The following ZBTB2 variants were observed in gnomAD, a reference collection of about 807,000 sequenced individuals.
ZBTB2 encodes the protein zinc finger and BTB domain containing 2.
ZBTB2 carries 2 observed loss-of-function variants against 39.5 expected under a neutral mutation model. The ratio of observed to expected loss-of-function variants is 0.05; its 90% CI spans 0.02 to 0.16. The LOEUF is 0.16. ZBTB2 is among the 10% of genes least tolerant of loss of function. ZBTB2 has a pLI of 1.00. For missense variants in ZBTB2, 391 were observed against 653.0 expected (o/e 0.60, Z 4.37); for synonymous variants, 251 against 256.6 (o/e 0.98, Z 0.21).
chr6:151,378,646 A>G (rs1778966307), intron 1 of ZBTB2, among the ~76,000 whole-genome samples: 1 of 152,196 alleles, frequency 6.6e-6, no homozygotes, highest in Non-Finnish European at 1.5e-5. Flanking sequence ...TTTTCTCATT[A>G]AAAAAGTATC....
chr6:151,377,147 T>G (rs1778927618), intron 1 of ZBTB2, among the ~76,000 whole-genome samples: 1 of 150,390 alleles, frequency 6.6e-6, no homozygotes, highest in Non-Finnish European at 1.5e-5. Context: ...GGAGAACAGA[T>G]TAGTGGTGGG....
intron 2 of ZBTB2, among the ~76,000 whole-genome samples, chr6:151,370,505 T>G (rs1237558021): frequency 6.6e-6 from 1 of 152,210 alleles, no homozygotes; most frequent in Non-Finnish European, 1.5e-5. Context: ...AAAGTAAGGA[T>G]TTTTGAATAA....
chr6:151,365,571 G>T lies in ZBTB2; in HGVS notation c.1495C>A (p.Pro499Thr), dbSNP rs1433598131. 1.9e-6 allele frequency: 3 copies of T among 1,614,042 alleles called. No homozygotes were observed. Residue 499 changes from proline (P) to threonine (T), a missense_variant, in exon 3 of 3, where the codon CCA becomes ACA. Pro to Thr is a conservative substitution (Grantham distance 38, BLOSUM62 -1). Coordinates refer to ENST00000325144, the MANE Select transcript of ZBTB2 (RefSeq NM_020861.3). This position sits in a 1 kb window ranked among gnomAD's most constrained non-coding sequence, Gnocchi z 5.6. ...TCCTTTTTGATGGAAGCTAACACTG[G>T]GTGGTCAGGCTCCGTTACTTCCGAG... ...GDSEVTEPDH[P>T]VLASIKKEQE...
chr6:151,383,604 C>T (rs1779089267), intron 1 of ZBTB2, among the ~76,000 whole-genome samples: 1 of 152,172 alleles, frequency 6.6e-6, no homozygotes, highest in South Asian at 2.1e-4. Flanking sequence ...ATACTTACTG[C>T]TCAAAGGCTT....
intron 1 of ZBTB2, among the ~76,000 whole-genome samples, chr6:151,390,961 G>A (rs1779285907): frequency 6.6e-6 from 1 of 151,054 alleles, no homozygotes. Flanking sequence ...GGTGGCGGCG[G>A]GAAGGGAGGG....
chr6:151,370,762 T>A (rs1293401774), intron 2 of ZBTB2, among the ~76,000 whole-genome samples: 2 of 152,036 alleles, frequency 1.3e-5, no homozygotes, highest in Admixed American at 1.3e-4. Context: ...ACAGAGGAGG[T>A]GCTGGTTGAA....
At chr6:151,386,899 A>C (rs1265493665) in intron 1 of ZBTB2, among the ~76,000 whole-genome samples, 1 of 152,214 alleles carries the variant, frequency 6.6e-6, no homozygotes, top group Non-Finnish European at 1.5e-5. Flanking sequence ...AGGCCATTAC[A>C]TGTTAAAGTA....
intron 1 of ZBTB2, among the ~76,000 whole-genome samples, chr6:151,375,637 A>AC (rs1778890223): frequency 6.6e-6 from 1 of 152,016 alleles, no homozygotes; most frequent in Non-Finnish European, 1.5e-5. Context: ...GCTCACTGCA[A>AC]CCTCCATCTC....
Position 151,365,420 on chromosome 6 carries a change from C to G in ZBTB2, c.*101G>C. ...GGGAAGAGGAGAAGAGAACAAGGAC[C>G]TGTTTGTATCATGCCATGGAGAACT... On this transcript the variant is annotated 3_prime_UTR_variant, in exon 3 of 3. Transcript: ENST00000325144. The surrounding 1 kb of genome is among the most constrained non-coding windows in gnomAD (Gnocchi z 5.6). 1 of 1,352,094 alleles carries G rather than the reference C, an allele frequency of 7.4e-7. No individual in the cohort carries two copies. The highest frequency in any genetic ancestry group is 1.0e-6 in the Non-Finnish European group (1 of 987,216). The allele number at this position is 1,352,094 out of a possible 1,614,324, so 83.8% of individuals were successfully genotyped here.
At position 151,374,980 on chromosome 6, in the gene ZBTB2, C is replaced by T. The variant is rs572355475; in HGVS notation, c.-12-1331G>A. ...CAACAAAAACAAAAAATTAGCTGGG[C>T]GTGGTGGCAGGCGCCTGTAGTCCCA... On this transcript the variant is annotated intron_variant, in intron 1 of 2. Transcript: ENST00000325144. Among the ~76,000 whole-genome samples, 171 of 147,138 alleles carry T rather than the reference C, an allele frequency of 1.2e-3. 1 individual carries two copies. The highest frequency in any genetic ancestry group is 3.8e-3 in the African/African-American group (153 of 40,060).
intron 1 of ZBTB2, among the ~76,000 whole-genome samples, chr6:151,390,220 C>T (rs917044329): frequency 1.3e-5 from 2 of 151,592 alleles, no homozygotes; most frequent in Non-Finnish European, 2.9e-5. Context: ...GGCGGCGCCA[C>T]AGAGGCCGAC....
At chr6:151,390,271 G>GT (rs1203369527) in intron 1 of ZBTB2, among the ~76,000 whole-genome samples, 2 of 149,138 alleles carry the variant, frequency 1.3e-5, no homozygotes, top group African/African-American at 4.9e-5. Flanking sequence ...CAGCCACCTC[G>GT]TCCCACCCGC....
chr6:151,390,556 G>C (rs558723950), intron 1 of ZBTB2, among the ~76,000 whole-genome samples: 2 of 150,534 alleles, frequency 1.3e-5, no homozygotes, highest in African/African-American at 4.9e-5. Flanking sequence ...GGGTGGCCCA[G>C]ACAGGGAGAG....
At position 151,373,843 on chromosome 6, in the gene ZBTB2, TAAAAAAAAAAAAAAAAAAA is replaced by T. The variant is rs200070063; in HGVS notation, c.-12-213_-12-195del. Among the ~76,000 whole-genome samples the T allele has an allele frequency of 7.6e-4, 35 of 45,998 alleles. No individual in the cohort carries two copies. In the South Asian group the frequency reaches 0.02, roughly 26 times the overall value. The allele number at this position is 45,998 out of a possible 152,430, so 30.2% of individuals were successfully genotyped here. A position where few individuals can be genotyped will look rare whatever the true frequency, so the allele number is the denominator to read the frequency against. ...TGAAGTAGTTATGTCATTATGCCTT[TAAAAAAAAAAAAAAAAAAA>T]AAAAAAAAAAAAAAACCAGATGATG... On this transcript the variant is annotated intron_variant, in intron 1 of 2. Coordinates refer to ENST00000325144, the MANE Select transcript of ZBTB2 (RefSeq NM_020861.3).
rs540823488 is a variant in ZBTB2 at position 151,368,556 on chromosome 6, T to G, written c.174-1664A>C. Reference sequence around the variant, plus strand: ...TGCACCCTCCATCCCCTCGTCCAAGTGATTCTCCTTCCTCAGCCTCCCGAG... The same window carrying G: ...TGCACCCTCCATCCCCTCGTCCAAGGGATTCTCCTTCCTCAGCCTCCCGAG... On this transcript the variant is annotated intron_variant, in intron 2 of 2. Transcript: ENST00000325144. Among the ~76,000 whole-genome samples, 10 of 150,628 alleles carry G rather than the reference T, an allele frequency of 6.6e-5. No individual in the cohort carries two copies. In the South Asian group the frequency reaches 8.4e-4, roughly 13 times the overall value.
intron 1 of ZBTB2, among the ~76,000 whole-genome samples, chr6:151,383,467 G>A (rs1297660711): frequency 6.6e-6 from 1 of 152,140 alleles, no homozygotes; most frequent in African/African-American, 2.4e-5. Context: ...TGATAATGGA[G>A]ACAAAATGAT....
chr6:151,370,702 C>G (rs931374328), intron 2 of ZBTB2, among the ~76,000 whole-genome samples: 6 of 152,128 alleles, frequency 3.9e-5, no homozygotes, highest in Non-Finnish European at 5.9e-5. Flanking sequence ...AAAAACTGAC[C>G]GTATTCTCAG....
chr6:151,382,093 C>T (rs968202519), intron 1 of ZBTB2, among the ~76,000 whole-genome samples: 6 of 151,982 alleles, frequency 3.9e-5, no homozygotes, highest in Non-Finnish European at 5.9e-5. Context: ...GTACTGTAGG[C>T]AATTATAATC....
intron 1 of ZBTB2, among the ~76,000 whole-genome samples, chr6:151,387,773 C>A (rs945192181): frequency 1.3e-5 from 2 of 152,192 alleles, no homozygotes; most frequent in African/African-American, 4.8e-5. Flanking sequence ...ATGCATACCT[C>A]AAGCATGTGA....
Sources: allele counts gnomAD v4.1 joint callset (sites outside exome capture counted in the v4.1 genomes callset), GRCh38; gene constraint gnomAD v4.1.1; non-coding constraint Gnocchi (gnomAD v3.1); transcripts MANE v1.5; gene names NCBI Gene and HGNC (gene_info 2026-07-23, HGNC 2026-07-21).